The following KCTD8 variants were observed in gnomAD, a reference collection of about 807,000 sequenced individuals.
KCTD8 encodes the protein BTB/POZ domain-containing protein KCTD8.
Under a neutral mutation model 31.5 loss-of-function variants are expected in KCTD8, and 27 were observed. That is an observed-to-expected ratio of 0.86 (90% CI 0.63 to 1.18). The LOEUF (loss-of-function observed/expected upper bound fraction) is 1.18, where lower values mean the gene tolerates loss of function less well. Ranked by LOEUF, KCTD8 falls within the 50% of genes most tolerant of loss-of-function variation. KCTD8 has a pLI of 0.00. For missense variants in KCTD8, 658 were observed against 647.7 expected (o/e 1.02, Z -0.17); for synonymous variants, 290 against 280.0 (o/e 1.04, Z -0.36).
intron 1 of KCTD8, among the ~76,000 whole-genome samples, chr4:44,219,222 G>A (rs1290450255): frequency 6.6e-6 from 1 of 152,106 alleles, no homozygotes; most frequent in Admixed American, 6.6e-5. Context: ...TTCATTTAGA[G>A]CAAATAGAAG....
At chr4:44,330,346 T>C (rs879896800) in intron 1 of KCTD8, among the ~76,000 whole-genome samples, 4 of 151,962 alleles carry the variant, frequency 2.6e-5, no homozygotes, top group Admixed American at 2.6e-4. Flanking sequence ...CACTAGATAG[T>C]ACTAATGTTT....
At chr4:44,413,525 T>A (rs536919457) in intron 1 of KCTD8, among the ~76,000 whole-genome samples, 3 of 152,248 alleles carry the variant, frequency 2.0e-5, no homozygotes, top group African/African-American at 7.2e-5. Flanking sequence ...ATTTAACACA[T>A]AAATGATAAA....
At chr4:44,377,651 A>G (rs1719950199) in intron 1 of KCTD8, among the ~76,000 whole-genome samples, 1 of 152,160 alleles carries the variant, frequency 6.6e-6, no homozygotes, top group Non-Finnish European at 1.5e-5. Context: ...AAGTCTAAGC[A>G]CTATTCCACT....
intron 1 of KCTD8, among the ~76,000 whole-genome samples, chr4:44,283,927 G>C (rs1244118371): frequency 6.6e-6 from 1 of 152,116 alleles, no homozygotes; most frequent in African/African-American, 2.4e-5. Flanking sequence ...CGAAGAATGT[G>C]AAGGACCTCT....
intron 1 of KCTD8, among the ~76,000 whole-genome samples, chr4:44,347,587 C>T (rs889233958): frequency 6.6e-6 from 1 of 152,130 alleles, no homozygotes; most frequent in Non-Finnish European, 1.5e-5. Context: ...TTCAGCTAAA[C>T]ATCTTTAGTT....
At chr4:44,298,406 G>GCCC (rs140926683) in intron 1 of KCTD8, among the ~76,000 whole-genome samples, 81 of 149,796 alleles carry the variant, frequency 5.4e-4, no homozygotes, top group African/African-American at 1.8e-3. Context: ...CTAATGATCT[G>GCCC]CCCCCCCCAC....
intron 1 of KCTD8, among the ~76,000 whole-genome samples, chr4:44,313,390 A>T (rs531725599): frequency 6.6e-6 from 1 of 152,340 alleles, no homozygotes. Flanking sequence ...GTGATGCCCT[A>T]AAGTAGGTGA....
At chr4:44,232,341 G>A (rs529221114) in intron 1 of KCTD8, among the ~76,000 whole-genome samples, 1 of 152,152 alleles carries the variant, frequency 6.6e-6, no homozygotes, top group Non-Finnish European at 1.5e-5. Context: ...AATGATTAAA[G>A]TGGTTAAAGC....
At chr4:44,266,183 A>G (rs1402893534) in intron 1 of KCTD8, among the ~76,000 whole-genome samples, 2 of 152,328 alleles carry the variant, frequency 1.3e-5, no homozygotes, top group Non-Finnish European at 2.9e-5. Context: ...CATCAGACTA[A>G]CAGCGGATCT....
chr4:44,205,696 A>G (rs865811199), intron 1 of KCTD8, among the ~76,000 whole-genome samples: 2 of 152,354 alleles, frequency 1.3e-5, no homozygotes, highest in Admixed American at 6.5e-5. Context: ...TAACAAATAT[A>G]ATGTATTCTA....
At chr4:44,231,166 C>T (rs1205566149) in intron 1 of KCTD8, among the ~76,000 whole-genome samples, 1 of 152,114 alleles carries the variant, frequency 6.6e-6, no homozygotes, top group Non-Finnish European at 1.5e-5. Flanking sequence ...CTCAATTATC[C>T]TCCAGCTGCC....
At chr4:44,312,896 T>G (rs1717996620) in intron 1 of KCTD8, among the ~76,000 whole-genome samples, 2 of 152,164 alleles carry the variant, frequency 1.3e-5, no homozygotes, top group African/African-American at 4.8e-5. Context: ...TTGAAGGATC[T>G]CAACTTCTTT....
In KCTD8 at chr4:44,448,778, G is replaced by A. The variant is rs1305948641; in HGVS notation, c.-255C>T. On this transcript the variant is annotated 5_prime_UTR_variant, in exon 1 of 2. Coordinates refer to ENST00000360029, the MANE Select transcript of KCTD8 (RefSeq NM_198353.3). This position sits in a 1 kb window ranked among gnomAD's most constrained non-coding sequence, Gnocchi z 4.1. ...GGCAATGGAGAGGCAAGAAGGAGCT[G>A]CTGCTCCTTTGGGGCGAGGGCGGGG... The A allele has an allele frequency of 5.6e-6, 2 of 358,942 alleles. No homozygotes were observed. The highest frequency in any genetic ancestry group is 9.9e-6 in the Non-Finnish European group (2 of 202,014). The allele number at this position is 358,942 out of a possible 1,614,324, so 22.2% of individuals were successfully genotyped here.
At chr4:44,296,397 T>C (rs1046870454) in intron 1 of KCTD8, among the ~76,000 whole-genome samples, 19 of 151,380 alleles carry the variant, frequency 1.3e-4, no homozygotes, top group African/African-American at 4.7e-4. Flanking sequence ...ATACAATCAA[T>C]GGTATAAATG....
At chr4:44,375,545 G>C (rs543665798) in intron 1 of KCTD8, among the ~76,000 whole-genome samples, 1 of 152,096 alleles carries the variant, frequency 6.6e-6, no homozygotes, top group Non-Finnish European at 1.5e-5. Context: ...TTCCACAGTA[G>C]CCAAATGCTA....
At chr4:44,303,646 T>C (rs1335460412) in intron 1 of KCTD8, among the ~76,000 whole-genome samples, 1 of 151,770 alleles carries the variant, frequency 6.6e-6, no homozygotes, top group Non-Finnish European at 1.5e-5. Context: ...CAAAATCCCA[T>C]CTCTACAAAA....
chr4:44,323,096 A>C (rs1372129049), intron 1 of KCTD8, among the ~76,000 whole-genome samples: 1 of 152,058 alleles, frequency 6.6e-6, no homozygotes, highest in Non-Finnish European at 1.5e-5. Context: ...TACAAATTTT[A>C]AGATGACCTT....
At chr4:44,181,501 G>GC (rs762887773) in intron 1 of KCTD8, among the ~76,000 whole-genome samples, 1 of 152,078 alleles carries the variant, frequency 6.6e-6, no homozygotes, top group African/African-American at 2.4e-5. Flanking sequence ...GCCAGCCTCG[G>GC]CCCCCCGAGG....
Position 44,448,200 on chromosome 4 carries a change from G to A in KCTD8, c.324C>T (p.Tyr108=). Residue 108 remains tyrosine, a synonymous_variant, in exon 1 of 2, where the codon TAC becomes TAT. Transcript: ENST00000360029. The surrounding 1 kb of genome is among the most constrained non-coding windows in gnomAD (Gnocchi z 4.1). Reference sequence around the variant, plus strand: ...GCTTGTCCCGCAGATAATCCAGCACGTACCTGAAAAGGAAGCCGTCCCGGT... The same window carrying A: ...GCTTGTCCCGCAGATAATCCAGCACATACCTGAAAAGGAAGCCGTCCCGGT... ...FIDRDGFLFR[Y]VLDYLRDKQL... 2.5e-6 allele frequency: 4 copies of A among 1,612,458 alleles called. No homozygotes were observed. The highest frequency in any genetic ancestry group is 2.2e-5 in the East Asian group (1 of 44,760).
Sources: gnomAD v4.1 joint callset for allele counts (sites outside exome capture counted in the v4.1 genomes callset) on GRCh38, gnomAD v4.1.1 for gene constraint, Gnocchi (gnomAD v3.1) non-coding constraint, MANE v1.5 for transcripts, NCBI Gene and HGNC (gene_info 2026-07-23, HGNC 2026-07-21) for gene names.